BCKDHB: variants seen among roughly 807,000 people sequenced by gnomAD.
The protein encoded by BCKDHB is branched chain keto acid dehydrogenase E1 subunit beta.
A neutral mutation model predicts 48.5 loss-of-function variants in BCKDHB; 41 were observed. The ratio of observed to expected loss-of-function variants is 0.85; its 90% confidence interval spans 0.66 to 1.10. The LOEUF is 1.10. Among genes scored for constraint, BCKDHB ranks in the 50% least tolerant of loss-of-function variants. The pLI, the probability that BCKDHB is intolerant of heterozygous loss-of-function variation, is 0.00. For missense variants in BCKDHB, 496 were observed against 494.2 expected, an observed-to-expected ratio of 1.00 and a Z score of -0.03; for synonymous variants, 201 against 174.8, an observed-to-expected ratio of 1.15 and a Z score of -1.18.
intron 6 of BCKDHB, among the ~76,000 whole-genome samples, chr6:80,187,439 A>G (rs1021861845): frequency 2.0e-4 from 31 of 152,306 alleles, no homozygotes; most frequent in African/African-American, 7.5e-4. Context: ...CTAACTCAGT[A>G]GAGAGGGTAG....
At chr6:80,285,925 A>T (rs1310557280) in intron 9 of BCKDHB, among the ~76,000 whole-genome samples, 4 of 152,044 alleles carry the variant, frequency 2.6e-5, no homozygotes, top group Non-Finnish European at 4.4e-5. Flanking sequence ...TTCTGTCAGT[A>T]TAAGGGATAA....
chr6:80,141,141 G>A (rs9448901), intron 3 of BCKDHB, among the ~76,000 whole-genome samples: 1,779 of 152,000 alleles, frequency 0.012, 25 homozygotes, highest in African/African-American at 0.038. Flanking sequence ...CTGTGGGATC[G>A]GTGGTGATAT....
At chr6:80,324,062 G>A (rs1267823557) in intron 9 of BCKDHB, among the ~76,000 whole-genome samples, 2 of 152,182 alleles carry the variant, frequency 1.3e-5, no homozygotes, top group African/African-American at 2.4e-5. Flanking sequence ...GTGAGCCACC[G>A]TGCCCGGCCC....
intron 9 of BCKDHB, among the ~76,000 whole-genome samples, chr6:80,336,330 C>T (rs1222595833): frequency 6.6e-5 from 10 of 151,712 alleles, no homozygotes; most frequent in African/African-American, 1.9e-4. Flanking sequence ...TTTTAGGCAG[C>T]TAGATTGTAT....
In BCKDHB at chr6:80,174,557, G is replaced by A. The variant is rs375060220; in HGVS notation, c.742+3167G>A. Among the ~76,000 whole-genome samples the A allele has an allele frequency of 2.8e-4, 43 of 152,212 alleles. 1 individual carries two copies. Among genetic ancestry groups the A allele is most frequent in the Admixed American group, 1.8e-3 (28 of 15,278 alleles). On this transcript the variant is annotated intron_variant, in intron 6 of 9. Transcript: ENST00000320393. ...CCACATTTAGTTGAAAAAAATTTGC[G>A]TATAAGTGGACCCCTCCAGTTCAAA...
At chr6:80,170,801 G>A (rs1290201555) in intron 5 of BCKDHB, among the ~76,000 whole-genome samples, 1 of 152,028 alleles carries the variant, frequency 6.6e-6, no homozygotes, top group Non-Finnish European at 1.5e-5. Context: ...AAACTCAGTG[G>A]ACTAATTTTT....
At chr6:80,288,570 G>T (rs747250864) in intron 9 of BCKDHB, among the ~76,000 whole-genome samples, 1 of 151,888 alleles carries the variant, frequency 6.6e-6, no homozygotes, top group African/African-American at 2.4e-5. Flanking sequence ...TTAAAATAAG[G>T]ACATGACTTC....
chr6:80,363,195 T>C, the BCKDHB span, among the ~76,000 whole-genome samples: 8 of 152,298 alleles, frequency 5.3e-5, no homozygotes, highest in Non-Finnish European at 4.4e-5. Flanking sequence ...GTGAATACTC[T>C]TCAAATCTGA....
intron 8 of BCKDHB, among the ~76,000 whole-genome samples, chr6:80,238,822 T>G (rs1022600991): frequency 1.3e-5 from 2 of 152,090 alleles, no homozygotes; most frequent in Non-Finnish European, 2.9e-5. Context: ...CATTGTTCAA[T>G]TCCCACCTAT....
At chr6:80,389,808 G>A in the BCKDHB span, among the ~76,000 whole-genome samples, 1 of 152,150 alleles carries the variant, frequency 6.6e-6, no homozygotes, top group Non-Finnish European at 1.5e-5. Flanking sequence ...TGTATGCTCT[G>A]AATCAGCAAC....
rs398124575 is a variant in BCKDHB, at chr6:80,167,699, C to A, written c.365C>A (p.Thr122Asn). 1.9e-6 allele frequency: 3 copies of A among 1,610,416 alleles called. No homozygotes were observed. The highest frequency in any genetic ancestry group is 2.5e-6 in the Non-Finnish European group (3 of 1,176,876). The change falls in exon 4 of 10, where the codon ACC becomes AAC. Residue 122 changes from threonine (T) to asparagine (N), a missense_variant. Coordinates refer to ENST00000320393, the MANE Select transcript of BCKDHB (RefSeq NM_183050.4). Reference protein sequence around the residue: ...DKYGKDRVFNTPLCEQGIVGF... With the variant: ...DKYGKDRVFNNPLCEQGIVGF... Reference sequence around the variant, plus strand: ...TAAGGAAAAGATAGAGTTTTTAATACCCCATTGTGTGAACAAGGAATTGTT... The same window carrying A: ...TAAGGAAAAGATAGAGTTTTTAATAACCCATTGTGTGAACAAGGAATTGTT...
chr6:80,309,071 T>G (rs192940964), intron 9 of BCKDHB, among the ~76,000 whole-genome samples: 14 of 144,818 alleles, frequency 9.7e-5, no homozygotes, highest in Admixed American at 2.1e-4. Context: ...TTGTTTTTTG[T>G]TTTTTTTTTT....
the BCKDHB span, among the ~76,000 whole-genome samples, chr6:80,447,407 G>A: frequency 5.3e-5 from 8 of 151,044 alleles, no homozygotes; most frequent in South Asian, 2.1e-4. Flanking sequence ...TAAACTGCAC[G>A]TTAGAGGTGT....
chr6:80,318,134 T>A (rs1410058413), intron 9 of BCKDHB, among the ~76,000 whole-genome samples: 4 of 152,222 alleles, frequency 2.6e-5, no homozygotes, highest in Non-Finnish European at 5.9e-5. Flanking sequence ...CCATTGTAGC[T>A]TTCCTCTATA....
At chr6:80,449,502 A>C in the BCKDHB span, among the ~76,000 whole-genome samples, 1 of 152,234 alleles carries the variant, frequency 6.6e-6, no homozygotes, top group Non-Finnish European at 1.5e-5. Context: ...ATAGTAATTA[A>C]TACATAAAAA....
At chr6:80,175,869 G>T (rs919497331) in intron 6 of BCKDHB, among the ~76,000 whole-genome samples, 5 of 152,188 alleles carry the variant, frequency 3.3e-5, no homozygotes, top group Non-Finnish European at 7.3e-5. Flanking sequence ...AAAGATTGTT[G>T]CTTCTGTGTT....
chr6:80,142,144 T>G (rs1771249822), intron 3 of BCKDHB, among the ~76,000 whole-genome samples: 1 of 152,134 alleles, frequency 6.6e-6, no homozygotes, highest in Admixed American at 6.6e-5. Flanking sequence ...AAGCCTGTTC[T>G]TTTGCTTTAA....
At chr6:80,453,869 C>T in the BCKDHB span, among the ~76,000 whole-genome samples, 13 of 151,978 alleles carry the variant, frequency 8.6e-5, no homozygotes, top group African/African-American at 2.4e-4. Flanking sequence ...TTTCCTTCTC[C>T]CCTCCATTTT....
At chr6:80,163,080 A>C (rs2127768126) in intron 3 of BCKDHB, among the ~76,000 whole-genome samples, 1 of 151,604 alleles carries the variant, frequency 6.6e-6, no homozygotes, top group South Asian at 2.1e-4. Context: ...GTGCCACCAC[A>C]CCCGGCTAAT....
Sources: allele counts gnomAD v4.1 joint callset (sites outside exome capture counted in the v4.1 genomes callset), GRCh38; gene constraint gnomAD v4.1.1; transcripts MANE v1.5; gene names NCBI Gene and HGNC (gene_info 2026-07-23, HGNC 2026-07-21).